The following ASAP3 variants were observed in gnomAD, a reference collection of about 807,000 sequenced individuals.
ASAP3 encodes the protein ArfGAP with SH3 domain, ankyrin repeat and PH domain 3.
A neutral mutation model predicts 118.2 loss-of-function variants in ASAP3; 85 were observed. That is an observed-to-expected ratio of 0.72 (90% confidence interval 0.60 to 0.86). The LOEUF is 0.86. ASAP3 is among the 40% of genes least tolerant of loss of function. ASAP3 has a pLI of 0.00. For synonymous variants in ASAP3, 432 were observed against 477.4 expected (o/e 0.90, Z 1.24); for missense variants, 1,026 against 1,175.0 (o/e 0.87, Z 1.85).
chr1:23,442,358 C>A, intron 6 of ASAP3, 87 bp from the exon 7 acceptor site: 2 of 1,566,504 alleles, frequency 1.3e-6, no homozygotes, highest in Non-Finnish European at 1.7e-6. Context: ...CCAGGCTAAT[C>A]CTCCTGGCTG....
rs1229700736 is a variant in ASAP3 at position 23,442,196 on chromosome 1, C to T, written c.661G>A (p.Ala221Thr). 2.1e-5 allele frequency: 33 copies of T among 1,600,582 alleles called. No homozygotes were observed. The East Asian group carries it at 3.6e-4, about 17-fold the overall frequency. Residue 221 changes from alanine to threonine, a missense_variant, in exon 7 of 25, where the codon GCC becomes ACC. Transcript: ENST00000336689. ...CGGGAAGATACCTACTTGTGCTGGGCGTGGAAGAACTTGATGAGGCTCTGA... is the reference window on the plus strand; with the variant it reads ...CGGGAAGATACCTACTTGTGCTGGGTGTGGAAGAACTTGATGAGGCTCTGA... ...FLQSLIKFFH[A>T]QHNFFQDGWK...
rs1461372824 is a variant in ASAP3, at chr1:23,436,343, A to T, written c.1571+217T>A. On this transcript the variant is annotated intron_variant, in intron 16 of 24. Transcript: ENST00000336689. The surrounding 1 kb of genome is among the most constrained non-coding windows in gnomAD (Gnocchi z 4.2). ...ACGCCCAGCTAATTCTTGTATTTTGAGTACAGGCGGGGTTTTGCCATCTTA... is the reference window on the plus strand; with the variant it reads ...ACGCCCAGCTAATTCTTGTATTTTGTGTACAGGCGGGGTTTTGCCATCTTA... 6.6e-6 allele frequency among the ~76,000 whole-genome samples: 1 copy of T among 152,134 alleles called. No homozygotes were observed. Among genetic ancestry groups the T allele is most frequent in the Non-Finnish European group, 1.5e-5 (1 of 68,022 alleles).
In ASAP3 at chr1:23,434,327, C is replaced by T. The variant is rs748272816; in HGVS notation, c.1878G>A (p.Leu626=). ...GCTGGTTGTAGAGTGCTGCGTAGTGCAGAGCCGTGTTCCCGTCAGCAGCCT... is the reference window on the plus strand; with the variant it reads ...GCTGGTTGTAGAGTGCTGCGTAGTGTAGAGCCGTGTTCCCGTCAGCAGCCT... The part of the protein sequence containing the change: ...DAKAADGNTA[L]HYAALYNQPD... The change falls in exon 19 of 25, where the codon CTG becomes CTA. Residue 626 remains leucine (L), a synonymous_variant. Coordinates refer to ENST00000336689, the MANE Select transcript of ASAP3 (RefSeq NM_017707.4). 9 of 1,614,216 alleles carry T rather than the reference C, an allele frequency of 5.6e-6. No homozygotes were observed. Among genetic ancestry groups the T allele is most frequent in the Non-Finnish European group, 7.6e-6 (9 of 1,180,044 alleles).
intron 5 of ASAP3, among the ~76,000 whole-genome samples, chr1:23,449,121 G>C (rs555359523): frequency 1.3e-5 from 2 of 152,302 alleles, no homozygotes; most frequent in African/African-American, 4.8e-5. Context: ...AAAATGGCTT[G>C]CACAAGATTA....
At chr1:23,431,659 G>C (rs921254515) in intron 23 of ASAP3, 37 bp downstream of exon 23, 2 of 1,502,522 alleles carry the variant, frequency 1.3e-6, no homozygotes, top group African/African-American at 1.4e-5. Flanking sequence ...AGAAGTCAGG[G>C]GATTTGCCCT....
chr1:23,465,199 T>C (rs578112520), intron 1 of ASAP3, among the ~76,000 whole-genome samples: 7 of 152,370 alleles, frequency 4.6e-5, no homozygotes, highest in Admixed American at 2.6e-4. Context: ...TTCTCAACTT[T>C]CATTGAATTA....
intron 1 of ASAP3, among the ~76,000 whole-genome samples, chr1:23,466,061 C>G (rs1024047716): frequency 2.0e-4 from 30 of 152,166 alleles, no homozygotes; most frequent in African/African-American, 7.2e-4. Flanking sequence ...GCCCCGAATA[C>G]AAACACTGTA....
rs1445009331 is a variant in ASAP3 at position 23,438,682 on chromosome 1, C to T, written c.1102+65G>A. 8.1e-6 allele frequency: 12 copies of T among 1,480,624 alleles called. No homozygotes were observed. The highest frequency in any genetic ancestry group is 1.4e-5 in the African/African-American group (1 of 72,254). 91.7% of individuals were successfully genotyped at this position (1,480,624 alleles called of 1,614,324 possible). On this transcript the variant is annotated intron_variant, in intron 12 of 24. Transcript: ENST00000336689. The surrounding 1 kb of genome is among the most constrained non-coding windows in gnomAD (Gnocchi z 4.9). Reference sequence around the variant, plus strand: ...ACCCCTCACTGAAGCCCCCCGGGAGCTGACAGGTGTCTTAGAGAAGCCCTG... The same window carrying T: ...ACCCCTCACTGAAGCCCCCCGGGAGTTGACAGGTGTCTTAGAGAAGCCCTG...
chr1:23,429,131 C>G lies in ASAP3; in HGVS notation c.*725G>C, dbSNP rs1286768749. 2 of 152,860 alleles carry G rather than the reference C, an allele frequency of 1.3e-5. No individual in the cohort carries two copies. Among genetic ancestry groups the G allele is most frequent in the South Asian group, 2.1e-4 (1 of 4,850 alleles). 9.5% of individuals were successfully genotyped at this position (152,860 alleles called of 1,614,324 possible). On this transcript the variant is annotated 3_prime_UTR_variant, in exon 25 of 25. Transcript: ENST00000336689. ...GAATGCCTAGGGAAGGCTGTGCTGT[C>G]CCTCAAAAGGAGTGACATTCAGAAT... is the stretch of plus-strand genomic sequence containing the variant.
chr1:23,471,710 T>C (rs977071217), intron 1 of ASAP3, among the ~76,000 whole-genome samples: 1 of 152,154 alleles, frequency 6.6e-6, no homozygotes, highest in Non-Finnish European at 1.5e-5. Context: ...AATGGCATAA[T>C]AACAGCATCT....
intron 1 of ASAP3, among the ~76,000 whole-genome samples, chr1:23,457,923 T>C (rs1001731395): frequency 1.3e-5 from 2 of 152,198 alleles, no homozygotes; most frequent in Non-Finnish European, 2.9e-5. Flanking sequence ...AGGATGCAAA[T>C]ACAGGATTTA....
At chr1:23,462,266 C>T (rs879285668) in intron 1 of ASAP3, among the ~76,000 whole-genome samples, 26 of 151,342 alleles carry the variant, frequency 1.7e-4, no homozygotes, top group Non-Finnish European at 2.9e-4. Context: ...CCTCATGATC[C>T]GCCTGCCTCG....
chr1:23,472,665 T>C (rs1382106658), intron 1 of ASAP3, among the ~76,000 whole-genome samples: 1 of 152,222 alleles, frequency 6.6e-6, no homozygotes, highest in African/African-American at 2.4e-5. Flanking sequence ...GGTAATTACC[T>C]CATCCCTATT....
intron 1 of ASAP3, among the ~76,000 whole-genome samples, chr1:23,456,495 G>A (rs932943797): frequency 2.0e-5 from 3 of 152,140 alleles, no homozygotes; most frequent in Non-Finnish European, 4.4e-5. Context: ...TGCCAGGCCT[G>A]GGTTTGAATC....
chr1:23,463,849 C>A (rs565237), intron 1 of ASAP3, among the ~76,000 whole-genome samples: 1 of 152,048 alleles, frequency 6.6e-6, no homozygotes, highest in Non-Finnish European at 1.5e-5. Context: ...CCGCCTGCCT[C>A]GGCCTCCCAA....
intron 5 of ASAP3, among the ~76,000 whole-genome samples, chr1:23,449,308 A>AT (rs1641141814): frequency 6.6e-6 from 1 of 152,158 alleles, no homozygotes; most frequent in Admixed American, 6.5e-5. Context: ...TGACCCTGAA[A>AT]GGTATTACTG....
rs375929356 is a variant in ASAP3, at chr1:23,439,084, C to T, written c.1014+77G>A. 8.9e-4 allele frequency: 1,384 copies of T among 1,557,924 alleles called. 22 individuals are homozygous for T. The South Asian group carries it at 0.015, about 17-fold the overall frequency. On this transcript the variant is annotated intron_variant, in intron 11 of 24. Coordinates refer to ENST00000336689, the MANE Select transcript of ASAP3 (RefSeq NM_017707.4). ...TTGGGGGCCAGTCTTAGAGGGAGGG[C>T]TTGACATTATTTGCTCAGAACACCA...
Position 23,435,933 on chromosome 1 carries a change from CA to C in ASAP3, c.1666del (p.Cys556AlafsTer87), listed in dbSNP as rs1220193550. The C allele has an allele frequency of 6.2e-7, 1 of 1,614,266 alleles. No individual in the cohort carries two copies. The highest frequency in any genetic ancestry group is 1.7e-5 in the Admixed American group (1 of 60,028). ...CAGTACCGACAGGAGGTCCCTGTTGCAAATGGCTGTCCAGAGTCGCTGAGGC... is the reference window on the plus strand; with the variant it reads ...CAGTACCGACAGGAGGTCCCTGTTGCAATGGCTGTCCAGAGTCGCTGAGGC... ...PEPQRLWTAICNRDLLSVLEA... is the reference protein window; with the variant it reads ...PEPQRLWTAIXNRDLLSVLEA... On this transcript the variant is annotated frameshift_variant, in exon 17 of 25. Transcript: ENST00000336689. LOFTEE classifies it high-confidence loss of function.
chr1:23,451,375 T>A, intron 5 of ASAP3, 104 bp downstream of exon 5: 4 of 1,305,580 alleles, frequency 3.1e-6, no homozygotes, highest in African/African-American at 2.9e-5. Context: ...CAGAGCCAGA[T>A]GTCACCCAAT....
Sources: gnomAD v4.1 joint callset for allele counts (sites outside exome capture counted in the v4.1 genomes callset) on GRCh38, gnomAD v4.1.1 for gene constraint, Gnocchi (gnomAD v3.1) non-coding constraint, MANE v1.5 for transcripts, NCBI Gene and HGNC (gene_info 2026-07-23, HGNC 2026-07-21) for gene names.